The following GLP1R variants were observed in gnomAD, a reference collection of about 807,000 sequenced individuals.
The protein encoded by GLP1R is glucagon like peptide 1 receptor.
GLP1R carries 32 observed loss-of-function variants against 68.4 expected under a neutral mutation model. The ratio of observed to expected loss-of-function variants is 0.47; its 90% CI spans 0.35 to 0.63. GLP1R has a LOEUF of 0.63. Ranked by LOEUF, GLP1R falls within the 20% of genes least tolerant of loss-of-function variation. The probability of loss-of-function intolerance (pLI) is 0.00; values close to 1 mark genes in which losing one functional copy is unlikely to be tolerated. For missense variants in GLP1R, 502 were observed against 594.9 expected (o/e 0.84, Z 1.62); for synonymous variants, 263 against 244.4 (o/e 1.08, Z -0.71).
At position 39,080,301 on chromosome 6, in the gene GLP1R, G is replaced by T. The variant is rs150709918; in HGVS notation, c.1183-397G>T. Among the ~76,000 whole-genome samples the T allele has an allele frequency of 7.7e-3, 1,174 of 152,324 alleles. 15 individuals are homozygous for T. The highest frequency in any genetic ancestry group is 0.026 in the African/African-American group (1,089 of 41,568). On this transcript the variant is annotated intron_variant, in intron 11 of 12. Coordinates refer to ENST00000373256, the MANE Select transcript of GLP1R (RefSeq NM_002062.5). ...TTCTGGAGCCCTGGGTCTCCTTCAT[G>T]AACAGATGGGGCTGGAGTGGGGAAT...
At chr6:39,052,500 C>T (rs922725165) in intron 1 of GLP1R, among the ~76,000 whole-genome samples, 4 of 152,192 alleles carry the variant, frequency 2.6e-5, no homozygotes, top group African/African-American at 7.2e-5. Flanking sequence ...TCTGTGCCAC[C>T]TCCTTCCCGT....
At position 39,079,464 on chromosome 6, in the gene GLP1R, A is replaced by T; in HGVS notation, c.1044-100A>T. On this transcript the variant is annotated intron_variant, in intron 10 of 12. Transcript: ENST00000373256. The surrounding 1 kb of genome is among the most constrained non-coding windows in gnomAD (Gnocchi z 4.5). ...TGGGGTGGGAGAACATCCATGACCC[A>T]GATATCAGGACTTGGTAGGAAGTGG... 2 of 1,220,044 alleles carry T rather than the reference A, an allele frequency of 1.6e-6. No homozygotes were observed. The highest frequency in any genetic ancestry group is 2.3e-6 in the Non-Finnish European group (2 of 869,106). 75.6% of individuals were successfully genotyped at this position (1,220,044 alleles called of 1,614,324 possible).
At chr6:39,066,328 G>C (rs745388745) in intron 5 of GLP1R, 25 bp downstream of exon 5, 1 of 1,327,158 alleles carries the variant, frequency 7.5e-7, no homozygotes, top group African/African-American at 1.4e-5. Flanking sequence ...ACCCTGGGAG[G>C]GGGCTGCTTC....
At chr6:39,060,184 AC>A (rs1768324360) in intron 3 of GLP1R, among the ~76,000 whole-genome samples, 1 of 151,914 alleles carries the variant, frequency 6.6e-6, no homozygotes, top group Non-Finnish European at 1.5e-5. Context: ...GGCTTCCCTG[AC>A]CCCCACCCAG....
At chr6:39,082,879 A>C (rs898463819) in intron 12 of GLP1R, among the ~76,000 whole-genome samples, 1 of 150,982 alleles carries the variant, frequency 6.6e-6, no homozygotes, top group Non-Finnish European at 1.5e-5. Flanking sequence ...TCACTTCTCT[A>C]TCCTCTGACA....
At chr6:39,052,107 GC>G (rs1448813150) in intron 1 of GLP1R, among the ~76,000 whole-genome samples, 2 of 152,038 alleles carry the variant, frequency 1.3e-5, no homozygotes, top group African/African-American at 4.8e-5. Context: ...TTGGGAATGT[GC>G]TTGGGGGCGT....
At chr6:39,051,375 T>G (rs1428580258) in intron 1 of GLP1R, among the ~76,000 whole-genome samples, 2 of 152,086 alleles carry the variant, frequency 1.3e-5, no homozygotes, top group Non-Finnish European at 2.9e-5. Flanking sequence ...CCAGAAGTGT[T>G]TTCCAGGGCT....
intron 3 of GLP1R, among the ~76,000 whole-genome samples, chr6:39,058,371 C>T (rs1410235550): frequency 1.3e-5 from 2 of 152,156 alleles, no homozygotes; most frequent in Non-Finnish European, 2.9e-5. Context: ...CCAGACTCAG[C>T]CCTCCTCAGC....
At chr6:39,050,160 G>A (rs1562000722) in intron 1 of GLP1R, among the ~76,000 whole-genome samples, 1 of 152,120 alleles carries the variant, frequency 6.6e-6, no homozygotes. Flanking sequence ...CTGAGCCCCA[G>A]GAGACAACCT....
chr6:39,057,388 G>A, intron 2 of GLP1R, 84 bp from the exon 3 acceptor site: 1 of 839,124 alleles, frequency 1.2e-6, no homozygotes, highest in Non-Finnish European at 2.0e-6. Flanking sequence ...AGCCTCCGAG[G>A]AGGGGAGGGG....
Position 39,086,259 on chromosome 6 carries a change from C to T in GLP1R, c.*186C>T, listed in dbSNP as rs1769145813. On this transcript the variant is annotated 3_prime_UTR_variant, in exon 13 of 13. Coordinates refer to ENST00000373256, the MANE Select transcript of GLP1R (RefSeq NM_002062.5). This position sits in a 1 kb window ranked among gnomAD's most constrained non-coding sequence, Gnocchi z 4.5. ...TCAGACAGGTAAATGGGCAGTGCCT[C>T]CTGGGACCATGGACACATTTTCTCC... 1 of 540,504 alleles carries T rather than the reference C, an allele frequency of 1.9e-6. No homozygotes were observed. Among genetic ancestry groups the T allele is most frequent in the Non-Finnish European group, 3.3e-6 (1 of 307,376 alleles). 33.5% of individuals were successfully genotyped at this position (540,504 alleles called of 1,614,324 possible).
rs1768952291 is a variant in GLP1R at position 39,079,990 on chromosome 6, A to G, written c.1182+288A>G. 6.6e-6 allele frequency among the ~76,000 whole-genome samples: 1 copy of G among 152,174 alleles called. No homozygotes were observed. Among genetic ancestry groups the G allele is most frequent in the Admixed American group, 6.5e-5 (1 of 15,284 alleles). On this transcript the variant is annotated intron_variant, in intron 11 of 12. Coordinates refer to ENST00000373256, the MANE Select transcript of GLP1R (RefSeq NM_002062.5). The surrounding 1 kb of genome is among the most constrained non-coding windows in gnomAD (Gnocchi z 4.5). The stretch of plus-strand genomic sequence containing the variant: ...TCTACTTGGTGGCGAGCACCCTGCC[A>G]GGTGCTTTACATGCATTGTGCATTT...
rs1339732764 is a variant in GLP1R, at chr6:39,085,907, T to A, written c.1226T>A (p.Val409Asp). ...AILYCFVNNE[V>D]QLEFRKSWER... The stretch of plus-strand genomic sequence containing the variant: ...GTTTCCCTCCTTTTCCCATGGAAGG[T>A]CCAGCTGGAATTTCGGAAGAGCTGG... The change falls in exon 13 of 13, where the codon GTC becomes GAC. Residue 409 changes from valine to aspartate, a missense_variant and splice_region_variant. Val to Asp is a radical substitution (Grantham distance 152). Transcript: ENST00000373256. 6.2e-7 allele frequency: 1 copy of A among 1,613,716 alleles called. No individual in the cohort carries two copies. The highest frequency in any genetic ancestry group is 8.5e-7 in the Non-Finnish European group (1 of 1,179,820).
At chr6:39,061,660 T>A (rs949931175) in intron 3 of GLP1R, among the ~76,000 whole-genome samples, 2 of 152,070 alleles carry the variant, frequency 1.3e-5, no homozygotes, top group African/African-American at 4.8e-5. Context: ...GAAACCGGCA[T>A]GGGGGAGGAT....
intron 1 of GLP1R, among the ~76,000 whole-genome samples, chr6:39,055,661 G>T (rs1768193469): frequency 6.6e-6 from 1 of 151,982 alleles, no homozygotes; most frequent in Admixed American, 6.6e-5. Context: ...TCTTCCTTTG[G>T]GTGGATAGAA....
intron 12 of GLP1R, among the ~76,000 whole-genome samples, chr6:39,081,133 A>G (rs1769001635): frequency 7.2e-6 from 1 of 139,090 alleles, no homozygotes; most frequent in African/African-American, 2.5e-5. Flanking sequence ...TGACCCCCAC[A>G]TCCCTCAAAA....
At chr6:39,068,308 A>G (rs532961300) in intron 5 of GLP1R, among the ~76,000 whole-genome samples, 1 of 152,176 alleles carries the variant, frequency 6.6e-6, no homozygotes, top group Non-Finnish European at 1.5e-5. Context: ...CCCCACTCGC[A>G]CAGCTTTGCT....
At chr6:39,080,615 G>C in intron 11 of GLP1R, 83 bp from the exon 12 acceptor site, 1 of 860,370 alleles carries the variant, frequency 1.2e-6, no homozygotes, top group Non-Finnish European at 1.9e-6. Context: ...TGAGGATGGA[G>C]TCCCAAAGTG....
intron 1 of GLP1R, 50 bp downstream of exon 1, chr6:39,048,968 G>T: frequency 1.3e-6 from 1 of 746,098 alleles, no homozygotes; most frequent in Non-Finnish European, 2.0e-6. Flanking sequence ...TGGCTCTGCG[G>T]GCTGCAGGCG....
Sources: gnomAD v4.1 joint callset for allele counts (sites outside exome capture counted in the v4.1 genomes callset) on GRCh38, gnomAD v4.1.1 for gene constraint, Gnocchi (gnomAD v3.1) non-coding constraint, MANE v1.5 for transcripts, NCBI Gene and HGNC (gene_info 2026-07-23, HGNC 2026-07-21) for gene names.